Variants in TMEM132B observed in about 807,000 individuals in gnomAD.
TMEM132B encodes transmembrane protein 132B.
In TMEM132B, 18 loss-of-function variants were observed where a neutral mutation model predicts 90.8. The ratio of observed to expected loss-of-function variants is 0.20; its 90% confidence interval spans 0.14 to 0.29. The LOEUF is 0.29. TMEM132B is among the 10% of genes least tolerant of loss of function. The pLI is 1.00. For missense variants in TMEM132B, 1,096 were observed against 1,326.8 expected, an observed-to-expected ratio of 0.83 and a Z score of 2.70; for synonymous variants, 504 against 523.3, an observed-to-expected ratio of 0.96 and a Z score of 0.50.
intron 4 of TMEM132B, among the ~76,000 whole-genome samples, chr12:125,566,312 C>A (rs1884656403): frequency 6.6e-6 from 1 of 152,130 alleles, no homozygotes; most frequent in Admixed American, 6.5e-5. Context: ...AAAATGAGGT[C>A]TAATTTCTTA....
chr12:125,516,471 A>C (rs1439578899), intron 3 of TMEM132B, among the ~76,000 whole-genome samples: 1 of 152,246 alleles, frequency 6.6e-6, no homozygotes, highest in Non-Finnish European at 1.5e-5. Flanking sequence ...CTTTAAAAAA[A>C]ACCTGTACAT....
At chr12:125,444,982 C>T (rs1880966041) in intron 3 of TMEM132B, among the ~76,000 whole-genome samples, 1 of 152,150 alleles carries the variant, frequency 6.6e-6, no homozygotes, top group Non-Finnish European at 1.5e-5. Context: ...TAACATATAT[C>T]CCCTACTAGT....
intron 1 of TMEM132B, among the ~76,000 whole-genome samples, chr12:125,270,112 T>TTGTGTGTGTG (rs59168219): frequency 0.18 from 25,219 of 142,980 alleles, 2,242 homozygotes; most frequent in Admixed American, 0.23. Context: ...CACATCTTTG[T>TTGTGTGTGTG]TGTGTGTGTG....
rs76769149 is a variant in TMEM132B, at chr12:125,639,361, C to T, written c.1438-4715C>T. Among the ~76,000 whole-genome samples the T allele has an allele frequency of 6.3e-3, 962 of 152,352 alleles. 13 individuals carry two copies. Among genetic ancestry groups the T allele is most frequent in the African/African-American group, 0.022 (924 of 41,580 alleles). ...ATGATAACCTTGTGTAAGTCACCTT[C>T]TTTGCCTTCTTACAGATACACACAC... On this transcript the variant is annotated intron_variant, in intron 5 of 8. Transcript: ENST00000682704.
intron 3 of TMEM132B, among the ~76,000 whole-genome samples, chr12:125,506,580 A>G (rs1450885845): frequency 2.0e-5 from 3 of 152,240 alleles, no homozygotes; most frequent in African/African-American, 7.2e-5. Flanking sequence ...TTATATTTCT[A>G]TGTAACTTAT....
At chr12:125,476,154 A>G (rs943518095) in intron 3 of TMEM132B, among the ~76,000 whole-genome samples, 5 of 152,218 alleles carry the variant, frequency 3.3e-5, no homozygotes, top group African/African-American at 1.2e-4. Context: ...AAGGAAAATT[A>G]TATTTTTCTA....
chr12:125,563,469 G>T (rs1446890631), intron 4 of TMEM132B, among the ~76,000 whole-genome samples: 1 of 152,048 alleles, frequency 6.6e-6, no homozygotes, highest in Non-Finnish European at 1.5e-5. Context: ...TAACTGCTGA[G>T]GCAGGAGAAT....
chr12:125,340,931 G>GC (rs1413638758), intron 1 of TMEM132B, among the ~76,000 whole-genome samples: 1 of 152,198 alleles, frequency 6.6e-6, no homozygotes, highest in Non-Finnish European at 1.5e-5. Flanking sequence ...GTCATGCCCT[G>GC]CAGGGGCCAG....
rs1387401603 is a variant in TMEM132B, at chr12:125,349,935, C to T, written c.551C>T (p.Ala184Val). Residue 184 changes from alanine (A) to valine (V), a missense_variant, in exon 2 of 9, where the codon GCC (alanine) becomes GTC (valine). By Grantham distance (64) the Ala-to-Val change is moderately conservative. Coordinates refer to ENST00000682704, the MANE Select transcript of TMEM132B (RefSeq NM_001366854.1). This position sits in a 1 kb window ranked among gnomAD's most constrained non-coding sequence, Gnocchi z 4.1. ...EVAASCRLQGAPGLCVAELEL... is the reference protein window; with the variant it reads ...EVAASCRLQGVPGLCVAELEL... ...GCAGCCAGCTGTCGGCTGCAAGGGG[C>T]CCCAGGGCTGTGTGTGGCTGAGCTG... is the stretch of plus-strand genomic sequence containing the variant. The T allele has an allele frequency of 6.2e-7, 1 of 1,614,208 alleles. No homozygotes were observed. Among genetic ancestry groups the T allele is most frequent in the East Asian group, 2.2e-5 (1 of 44,888 alleles).
intron 2 of TMEM132B, among the ~76,000 whole-genome samples, chr12:125,404,931 C>T (rs1432971660): frequency 1.3e-5 from 2 of 152,146 alleles, no homozygotes; most frequent in Non-Finnish European, 1.5e-5. Context: ...GACAGACTGT[C>T]TCACTCCCTT....
At chr12:125,326,449 C>A in intron 1 of TMEM132B, 1 of 725,508 alleles carries the variant, frequency 1.4e-6, no homozygotes, top group Non-Finnish European at 2.4e-6. Flanking sequence ...CCAATGAAGA[C>A]AATATGAGCT....
chr12:125,316,065 T>C (rs1362460689), intron 1 of TMEM132B, among the ~76,000 whole-genome samples: 2 of 152,172 alleles, frequency 1.3e-5, no homozygotes, highest in Non-Finnish European at 2.9e-5. Context: ...CTGAATGTTC[T>C]CTCCAACAAG....
intron 4 of TMEM132B, among the ~76,000 whole-genome samples, chr12:125,547,057 G>A (rs567883900): frequency 2.0e-5 from 3 of 152,138 alleles, no homozygotes; most frequent in Non-Finnish European, 2.9e-5. Flanking sequence ...AGAACAGGAC[G>A]GGGGAAACTG....
chr12:125,296,047 C>T (rs1235114266), intron 1 of TMEM132B, among the ~76,000 whole-genome samples: 3 of 152,176 alleles, frequency 2.0e-5, no homozygotes, highest in Non-Finnish European at 4.4e-5. Context: ...TGAGTTTGTA[C>T]TATACATTCA....
At chr12:125,632,547 C>G (rs1437763565) in intron 5 of TMEM132B, among the ~76,000 whole-genome samples, 1 of 152,154 alleles carries the variant, frequency 6.6e-6, no homozygotes, top group Non-Finnish European at 1.5e-5. Flanking sequence ...GATTGAAATA[C>G]TCCCTTTAGC....
At chr12:125,650,597 G>A in intron 6 of TMEM132B, 86 bp from the exon 7 acceptor site, 1 of 1,485,912 alleles carries the variant, frequency 6.7e-7, no homozygotes, top group Non-Finnish European at 9.1e-7. Flanking sequence ...TTCATTCTGT[G>A]GGCTCACCTA....
At chr12:125,522,568 G>A (rs183707839) in intron 4 of TMEM132B, among the ~76,000 whole-genome samples, 2 of 152,326 alleles carry the variant, frequency 1.3e-5, no homozygotes, top group African/African-American at 2.4e-5. Flanking sequence ...TGCAGCACTC[G>A]AGTAGAGCTT....
chr12:125,260,409 T>C (rs1230059886), intron 1 of TMEM132B, among the ~76,000 whole-genome samples: 3 of 152,196 alleles, frequency 2.0e-5, no homozygotes, highest in African/African-American at 4.8e-5. Context: ...GTGTCAACCA[T>C]GGTGCGATCA....
intron 3 of TMEM132B, among the ~76,000 whole-genome samples, chr12:125,512,879 C>T (rs984373945): frequency 6.6e-6 from 1 of 152,240 alleles, no homozygotes; most frequent in Non-Finnish European, 1.5e-5. Flanking sequence ...GGCAGAGAGA[C>T]GAACTAAAGA....
Sources: gnomAD v4.1 joint callset for allele counts (sites outside exome capture counted in the v4.1 genomes callset) on GRCh38, gnomAD v4.1.1 for gene constraint, Gnocchi (gnomAD v3.1) non-coding constraint, MANE v1.5 for transcripts, NCBI Gene and HGNC (gene_info 2026-07-23, HGNC 2026-07-21) for gene names.